UBAC2: variants seen among roughly 807,000 people sequenced by gnomAD.
UBAC2 encodes UBA domain containing 2.
UBAC2 carries 26 observed loss-of-function variants against 44.0 expected under a neutral mutation model. The observed-to-expected ratio is 0.59, with a 90% CI of 0.43 to 0.82. The LOEUF (loss-of-function observed/expected upper bound fraction) is 0.82. Ranked by LOEUF, UBAC2 falls within the 40% of genes least tolerant of loss-of-function variation. UBAC2 has a pLI of 0.00. For missense variants in UBAC2, 329 were observed against 419.4 expected, an observed-to-expected ratio of 0.78 and a Z score of 1.88; for synonymous variants, 155 against 154.3, an observed-to-expected ratio of 1.00 and a Z score of -0.04.
intron 8 of UBAC2, among the ~76,000 whole-genome samples, chr13:99,374,254 CTTA>C (rs1291087626): frequency 2.6e-5 from 4 of 152,090 alleles, no homozygotes; most frequent in African/African-American, 9.6e-5. Flanking sequence ...AGGGGAGTTC[CTTA>C]TTATGCTGAC....
chr13:99,287,715 G>T (rs1309585547), intron 4 of UBAC2, among the ~76,000 whole-genome samples: 2 of 147,262 alleles, frequency 1.4e-5, no homozygotes, highest in East Asian at 3.9e-4. Flanking sequence ...CAATTCCTGG[G>T]CTCAAGTGAG....
intron 4 of UBAC2, among the ~76,000 whole-genome samples, chr13:99,283,513 T>G (rs377314250): frequency 6.6e-6 from 1 of 152,176 alleles, no homozygotes; most frequent in South Asian, 2.1e-4. Flanking sequence ...GTTCCTGATT[T>G]AAATGAATAG....
chr13:99,266,519 C>T (rs2138655784), intron 4 of UBAC2, among the ~76,000 whole-genome samples: 2 of 152,300 alleles, frequency 1.3e-5, no homozygotes, highest in East Asian at 3.9e-4. Flanking sequence ...CATTTCTGCC[C>T]TCTTTGGAAG....
intron 2 of UBAC2, among the ~76,000 whole-genome samples, chr13:99,239,607 A>G (rs920548053): frequency 3.9e-5 from 6 of 152,264 alleles, no homozygotes; most frequent in Non-Finnish European, 7.4e-5. Context: ...TACCTTCCTA[A>G]TTTCTGGAGT....
intron 4 of UBAC2, among the ~76,000 whole-genome samples, chr13:99,270,959 C>T (rs1457272739): frequency 1.3e-5 from 2 of 152,130 alleles, no homozygotes; most frequent in African/African-American, 2.4e-5. Flanking sequence ...CAAGAGCAAT[C>T]GGCTCTTTTC....
intron 6 of UBAC2, among the ~76,000 whole-genome samples, chr13:99,320,941 T>C (rs1272054126): frequency 6.6e-6 from 1 of 152,208 alleles, no homozygotes; most frequent in Non-Finnish European, 1.5e-5. Context: ...ATATTTATGC[T>C]AAATAAAATA....
chr13:99,205,359 C>T (rs2042857661), intron 1 of UBAC2, among the ~76,000 whole-genome samples: 2 of 152,088 alleles, frequency 1.3e-5, no homozygotes, highest in African/African-American at 2.4e-5. Context: ...GTATGCTTCT[C>T]ATTGCTGTAG....
At chr13:99,211,185 T>C (rs1351997973) in intron 1 of UBAC2, among the ~76,000 whole-genome samples, 1 of 152,186 alleles carries the variant, frequency 6.6e-6, no homozygotes, top group African/African-American at 2.4e-5. Flanking sequence ...ACAGCAGCCC[T>C]ATGAGGATAG....
At chr13:99,380,783 C>T (rs905958853) in intron 8 of UBAC2, among the ~76,000 whole-genome samples, 1 of 152,226 alleles carries the variant, frequency 6.6e-6, no homozygotes, top group Admixed American at 6.5e-5. Flanking sequence ...AAGAACTGTG[C>T]TAACATTATT....
intron 4 of UBAC2, chr13:99,313,177 G>A (rs993005794): frequency 3.9e-5 from 6 of 152,128 alleles, no homozygotes; most frequent in African/African-American, 1.4e-4. Context: ...GTAGAGACGG[G>A]GTTTCACCGT....
At chr13:99,340,669 G>A in intron 7 of UBAC2, 104 bp downstream of exon 7, 1 of 1,284,630 alleles carries the variant, frequency 7.8e-7, no homozygotes. Context: ...TTATTCCAGT[G>A]CCTTGCAAGT....
At chr13:99,367,946 T>G (rs1245707068) in intron 8 of UBAC2, 40 bp downstream of exon 8, 1 of 1,594,460 alleles carries the variant, frequency 6.3e-7, no homozygotes, top group Non-Finnish European at 8.5e-7. Flanking sequence ...TCTAAATCCA[T>G]GTTTCAGAGT....
Position 99,367,351 on chromosome 13 carries a change from A to G in UBAC2, c.808-436A>G, listed in dbSNP as rs565130310. Among the ~76,000 whole-genome samples, 10 of 152,356 alleles carry G rather than the reference A, an allele frequency of 6.6e-5. No individual in the cohort carries two copies. The East Asian group carries it at 1.9e-3, about 29-fold the overall frequency. On this transcript the variant is annotated intron_variant, in intron 7 of 8. Coordinates refer to ENST00000403766, the MANE Select transcript of UBAC2 (RefSeq NM_001144072.2). ...GCAGGGGAGCATTTTAAGGGCCGTGATGGAAACACCAGATTTCTGGCTGCC... is the reference window on the plus strand; with the variant it reads ...GCAGGGGAGCATTTTAAGGGCCGTGGTGGAAACACCAGATTTCTGGCTGCC...
intron 1 of UBAC2, among the ~76,000 whole-genome samples, chr13:99,218,386 T>A (rs731955): frequency 0.46 from 70,234 of 151,998 alleles, 18,701 homozygotes; most frequent in Non-Finnish European, 0.61. Context: ...ACTAGGATTT[T>A]AAATTTTACA....
intron 4 of UBAC2, among the ~76,000 whole-genome samples, chr13:99,259,293 A>G (rs1160643962): frequency 1.3e-5 from 2 of 150,512 alleles, no homozygotes; most frequent in Non-Finnish European, 3.0e-5. Context: ...TAAAGGGTTC[A>G]TGAACTTAAA....
At chr13:99,250,667 GC>G (rs1566468048) in intron 4 of UBAC2, among the ~76,000 whole-genome samples, 1 of 152,098 alleles carries the variant, frequency 6.6e-6, no homozygotes, top group Non-Finnish European at 1.5e-5. Context: ...GGTCAGTATG[GC>G]CATTTTAATG....
At chr13:99,311,794 A>G (rs1274219075) in intron 4 of UBAC2, among the ~76,000 whole-genome samples, 1 of 152,246 alleles carries the variant, frequency 6.6e-6, no homozygotes, top group Non-Finnish European at 1.5e-5. Flanking sequence ...GCATTGTGCC[A>G]GGTGCTAGGA....
chr13:99,204,190 C>G (rs1027244138), intron 1 of UBAC2, among the ~76,000 whole-genome samples: 32 of 152,198 alleles, frequency 2.1e-4, no homozygotes, highest in Non-Finnish European at 2.5e-4. Context: ...AAGGAGTTCA[C>G]TGTCTATTGG....
At chr13:99,285,455 C>T (rs1030946273) in intron 4 of UBAC2, among the ~76,000 whole-genome samples, 2 of 150,852 alleles carry the variant, frequency 1.3e-5, no homozygotes, top group Admixed American at 6.6e-5. Flanking sequence ...TGCAGTGGTG[C>T]GATTGTAGCT....
Sources: gnomAD v4.1 joint callset for allele counts (sites outside exome capture counted in the v4.1 genomes callset) on GRCh38, gnomAD v4.1.1 for gene constraint, MANE v1.5 for transcripts, NCBI Gene and HGNC (gene_info 2026-07-23, HGNC 2026-07-21) for gene names.